Variants in KCTD14 observed in about 807,000 individuals in gnomAD.
KCTD14 encodes potassium channel tetramerization domain containing 14, also known as BTB/POZ domain-containing protein KCTD14.
Under a neutral mutation model 5.9 loss-of-function variants are expected in KCTD14, and 7 were observed. The ratio of observed to expected loss-of-function variants is 1.19; its 90% CI spans 0.68 to 2.23. The LOEUF (loss-of-function observed/expected upper bound fraction) is 2.23. Ranked by LOEUF, KCTD14 falls within the 30% of genes most tolerant of loss-of-function variation. The probability of loss-of-function intolerance (pLI) is 0.00; values close to 1 mark genes in which losing one functional copy is unlikely to be tolerated. For synonymous variants in KCTD14, 140 were observed against 133.1 expected (o/e 1.05, Z -0.36); for missense variants, 342 against 332.2 (o/e 1.03, Z -0.23).
At chr11:78,021,116 A>T (rs548368491) in intron 1 of KCTD14, among the ~76,000 whole-genome samples, 31 of 152,140 alleles carry the variant, frequency 2.0e-4, no homozygotes, top group Non-Finnish European at 4.3e-4. Flanking sequence ...TAGCCTGGAC[A>T]ACATGGCAAA....
At chr11:78,025,116 GTGTATATATATATATATA>G (rs1185018488), upstream of KCTD14, among the ~76,000 whole-genome samples, 22 of 68,564 alleles carry the variant, frequency 3.2e-4, no homozygotes, top group East Asian at 4.3e-4. Context: ...GTGTGTGTGT[GTGTATATATATATATATA>G]TATATATATA....
intron 1 of KCTD14, among the ~76,000 whole-genome samples, chr11:78,041,102 C>G (rs1320095361): frequency 6.6e-6 from 1 of 152,202 alleles, no homozygotes; most frequent in Non-Finnish European, 1.5e-5. Context: ...GGGAGACACA[C>G]AGTCTGTCAA....
In KCTD14 at chr11:78,022,240, C is replaced by G. The variant is rs1857329074; in HGVS notation, c.90+920G>C. Among the ~76,000 whole-genome samples the G allele has an allele frequency of 2.6e-5, 4 of 152,128 alleles. No individual in the cohort carries two copies. In the South Asian group the frequency reaches 8.3e-4, roughly 32 times the overall value. ...CCTGGGTCTCACCAACATGGCGAGA[C>G]CCCATCTCTATTTTAACAAACAAAC... On this transcript the variant is annotated intron_variant, in intron 1 of 1. Transcript: ENST00000353172.
intron 1 of KCTD14, among the ~76,000 whole-genome samples, chr11:78,018,987 C>T (rs996805817): frequency 7.9e-5 from 12 of 151,656 alleles, no homozygotes; most frequent in African/African-American, 2.9e-4. Context: ...TAACAGTTCA[C>T]ATGCCCTTGA....
At chr11:78,017,291 G>A (rs114360983) in intron 1 of KCTD14, 21 bp from the exon 2 acceptor site, 2 of 1,560,662 alleles carry the variant, frequency 1.3e-6, no homozygotes, top group East Asian at 2.3e-5. Flanking sequence ...AAGAGGCAGA[G>A]TAAACCAACA....
upstream of KCTD14, among the ~76,000 whole-genome samples, chr11:78,025,205 C>T (rs1425394592): frequency 1.4e-5 from 2 of 145,886 alleles, no homozygotes; most frequent in Non-Finnish European, 3.0e-5. Context: ...GGTCCCATAA[C>T]AGGCCATTGG....
intron 1 of KCTD14, among the ~76,000 whole-genome samples, chr11:78,041,581 C>A (rs1857994161): frequency 6.6e-6 from 1 of 152,250 alleles, no homozygotes; most frequent in African/African-American, 2.4e-5. Context: ...CAATGGCAAC[C>A]CCCTTTGGGT....
intron 1 of KCTD14, among the ~76,000 whole-genome samples, chr11:78,018,958 A>G (rs991650652): frequency 6.6e-6 from 1 of 152,042 alleles, no homozygotes; most frequent in Non-Finnish European, 1.5e-5. Flanking sequence ...CTTATTTCAT[A>G]TAGATTAGAA....
At chr11:78,045,785 T>C (rs1858117854) in intron 1 of KCTD14, among the ~76,000 whole-genome samples, 1 of 152,016 alleles carries the variant, frequency 6.6e-6, no homozygotes. Context: ...TGAGGAGAGA[T>C]GTGAGGGTTT....
At chr11:78,038,021 G>A (rs1229847445) in intron 2 of KCTD14, among the ~76,000 whole-genome samples, 2 of 147,506 alleles carry the variant, frequency 1.4e-5, no homozygotes, top group Non-Finnish European at 3.0e-5. Context: ...AGTGCTACCT[G>A]ACTCTTGCCC....
At chr11:78,022,251 T>C (rs1857329412) in intron 1 of KCTD14, among the ~76,000 whole-genome samples, 1 of 151,998 alleles carries the variant, frequency 6.6e-6, no homozygotes, top group African/African-American at 2.4e-5. Context: ...CCCATCTCTA[T>C]TTTAACAAAC....
chr11:78,036,420 T>C (rs1857805588), intron 2 of KCTD14, among the ~76,000 whole-genome samples: 1 of 152,212 alleles, frequency 6.6e-6, no homozygotes, highest in Non-Finnish European at 1.5e-5. Flanking sequence ...ATCCTCACAA[T>C]TCTATAAAGT....
At chr11:78,029,001 A>G (rs1453637835) in intron 2 of KCTD14, among the ~76,000 whole-genome samples, 1 of 152,032 alleles carries the variant, frequency 6.6e-6, no homozygotes, top group African/African-American at 2.4e-5. Flanking sequence ...CCTGACCAAT[A>G]TGGTGAAACC....
At chr11:78,044,149 C>T (rs1858068245) in intron 1 of KCTD14, among the ~76,000 whole-genome samples, 1 of 152,166 alleles carries the variant, frequency 6.6e-6, no homozygotes, top group African/African-American at 2.4e-5. Context: ...CCAGCCCACA[C>T]CCCAAAACAG....
In KCTD14 at chr11:78,017,227, G is replaced by A. The variant is rs1001483361; in HGVS notation, c.134C>T (p.Thr45Ile). 1 of 1,609,722 alleles carries A rather than the reference G, an allele frequency of 6.2e-7. No individual in the cohort carries two copies. The highest frequency in any genetic ancestry group is 8.5e-7 in the Non-Finnish European group (1 of 1,176,500). ...VELNVGGEFH[T>I]TTLGTLRKFP... is the part of the protein sequence containing the mutation. ...CTTCCTCAGGGTACCCAGGGTGGTG[G>A]TGTGGAACTCACCCCCGACGTTCAG... The change falls in exon 2 of 2, where the codon ACC (threonine) becomes ATC (isoleucine). Residue 45 changes from threonine (T) to isoleucine (I), a missense_variant. Coordinates refer to ENST00000353172, the MANE Select transcript of KCTD14 (RefSeq NM_023930.4).
chr11:78,017,099 G>T lies in KCTD14; in HGVS notation c.262C>A (p.Pro88Thr). 2 of 1,614,224 alleles carry T rather than the reference G, an allele frequency of 1.2e-6. No individual in the cohort carries two copies. Among genetic ancestry groups the T allele is most frequent in the Non-Finnish European group, 1.7e-6 (2 of 1,180,034 alleles). Residue 88 changes from proline (P) to threonine (T), a missense_variant, in exon 2 of 2, where the codon CCC (proline) becomes ACC (threonine). Physicochemically the swap from Pro to Thr is conservative, Grantham distance 38. Coordinates refer to ENST00000353172, the MANE Select transcript of KCTD14 (RefSeq NM_023930.4). The part of the protein sequence containing the change: ...FIDRPSTYFR[P>T]ILDYLRTGQV... ...CCAGTGCGCAGGTAGTCCAGGATGG[G>T]TCTGAAATAGGTGCTGGGGCGGTCG...
chr11:78,033,899 G>GTACATATATATATATATATATA (rs1322215432), intron 2 of KCTD14, among the ~76,000 whole-genome samples: 1 of 46,450 alleles, frequency 2.2e-5, no homozygotes, highest in African/African-American at 5.5e-5. Context: ...ATGTGTGTGT[G>GTACATATATATATATATATATA]TGTATATATA....
At chr11:78,026,446 A>AAAAAGAAAAG (rs141028052), upstream of KCTD14, among the ~76,000 whole-genome samples, 2 of 151,334 alleles carry the variant, frequency 1.3e-5, no homozygotes, top group South Asian at 2.1e-4. Context: ...CCATCTCAAA[A>AAAAAGAAAAG]AAAAGAAAAG....
intron 1 of KCTD14, 33 bp from the exon 2 acceptor site, chr11:78,017,303 G>A (rs748151105): frequency 1.7e-5 from 27 of 1,547,866 alleles, no homozygotes; most frequent in Admixed American, 3.9e-5. Flanking sequence ...AAACCAACAC[G>A]CCATCTCCCC....
Sources: allele counts gnomAD v4.1 joint callset (sites outside exome capture counted in the v4.1 genomes callset), GRCh38; gene constraint gnomAD v4.1.1; transcripts MANE v1.5; gene names NCBI Gene and HGNC (gene_info 2026-07-23, HGNC 2026-07-21).